OOSP3: variants seen among roughly 807,000 people sequenced by gnomAD.
The protein encoded by OOSP3 is oocyte-secreted protein 3.
chr11:59,886,935 C>T (rs751090426), intron 2 of OOSP3, among the ~76,000 whole-genome samples: 3 of 151,802 alleles, frequency 2.0e-5, no homozygotes, highest in African/African-American at 4.8e-5. Context: ...GGAGTATAGG[C>T]GTGTGCCACC....
intron 2 of OOSP3, among the ~76,000 whole-genome samples, chr11:59,885,210 G>A (rs1391604095): frequency 2.6e-5 from 4 of 152,114 alleles, no homozygotes; most frequent in African/African-American, 4.8e-5. Context: ...CTTTTCCTGG[G>A]ATAAATCCCA....
At chr11:59,894,038 G>A (rs2134532857) in intron 2 of OOSP3, 41 bp from the exon 3 acceptor site, 1 of 398,280 alleles carries the variant, frequency 2.5e-6, no homozygotes, top group Non-Finnish European at 4.4e-6. Context: ...AAACTCCTGT[G>A]TGACATGACA....
chr11:59,888,519 T>G (rs1189264395), intron 2 of OOSP3, among the ~76,000 whole-genome samples: 1 of 152,220 alleles, frequency 6.6e-6, no homozygotes, highest in Non-Finnish European at 1.5e-5. Context: ...GGATGTTGAA[T>G]TTTCTCAAAG....
chr11:59,879,526 C>A (rs1028078492), intron 1 of OOSP3, among the ~76,000 whole-genome samples: 1 of 150,512 alleles, frequency 6.6e-6, no homozygotes, highest in Non-Finnish European at 1.5e-5. Flanking sequence ...TTTTTTAAAC[C>A]ATGAAAATAC....
Position 59,895,285 on chromosome 11 carries a change from C to CT in OOSP3, c.351-201dup, listed in dbSNP as rs763923971. Among the ~76,000 whole-genome samples, 879 of 121,804 alleles carry CT rather than the reference C, an allele frequency of 7.2e-3. 10 individuals are homozygous for CT. Among genetic ancestry groups the CT allele is most frequent in the African/African-American group, 0.018 (590 of 33,170 alleles). The allele number at this position is 121,804 out of a possible 152,430, so 79.9% of individuals were successfully genotyped here. On this transcript the variant is annotated intron_variant, in intron 3 of 4. Transcript: ENST00000646438. Reference sequence around the variant, plus strand: ...TAGAATACATTTTCCTATGGTAGGACTTTTTTTTTTTTTTTTGGACTAACG... The same window carrying CT: ...TAGAATACATTTTCCTATGGTAGGACTTTTTTTTTTTTTTTTTGGACTAACG...
chr11:59,887,658 G>A (rs917372669), intron 2 of OOSP3, among the ~76,000 whole-genome samples: 4 of 152,086 alleles, frequency 2.6e-5, no homozygotes, highest in African/African-American at 9.7e-5. Flanking sequence ...TGGTTTATAT[G>A]TCTGTTTTTG....
At chr11:59,893,630 T>C (rs181279803) in intron 2 of OOSP3, among the ~76,000 whole-genome samples, 32 of 152,340 alleles carry the variant, frequency 2.1e-4, no homozygotes, top group African/African-American at 6.7e-4. Context: ...GTGGTGGGAT[T>C]AGAGGTGTGA....
chr11:59,888,101 T>C (rs1441931079), intron 2 of OOSP3, among the ~76,000 whole-genome samples: 1 of 152,170 alleles, frequency 6.6e-6, no homozygotes, highest in East Asian at 1.9e-4. Flanking sequence ...GGCTCTCTGC[T>C]TGTCTGTTGT....
At chr11:59,885,960 G>A (rs1474405548) in intron 2 of OOSP3, among the ~76,000 whole-genome samples, 1 of 151,998 alleles carries the variant, frequency 6.6e-6, no homozygotes, top group Non-Finnish European at 1.5e-5. Context: ...GTAAATGTGT[G>A]CCATGGTGGT....
chr11:59,880,791 C>A (rs1853191680), intron 2 of OOSP3, among the ~76,000 whole-genome samples: 1 of 152,150 alleles, frequency 6.6e-6, no homozygotes, highest in African/African-American at 2.4e-5. Context: ...ATAGATCATG[C>A]ATCTGTTCAA....
chr11:59,879,151 G>A (rs1394725099), intron 1 of OOSP3, among the ~76,000 whole-genome samples: 1 of 152,048 alleles, frequency 6.6e-6, no homozygotes, highest in Admixed American at 6.6e-5. Flanking sequence ...CACCCTACCT[G>A]TGGAAAAATA....
intron 2 of OOSP3, among the ~76,000 whole-genome samples, chr11:59,886,585 T>C (rs1400786399): frequency 6.6e-6 from 1 of 152,218 alleles, no homozygotes; most frequent in African/African-American, 2.4e-5. Flanking sequence ...CCACCAACAG[T>C]GTAAAAGAGT....
At chr11:59,890,424 C>G (rs80195622) in intron 2 of OOSP3, among the ~76,000 whole-genome samples, 2,673 of 152,212 alleles carry the variant, frequency 0.018, 93 homozygotes, top group African/African-American at 0.059. Flanking sequence ...ATGGTTTTTC[C>G]TTTCCATGTT....
rs192978350 is a variant in OOSP3 at position 59,885,143 on chromosome 11, C to T, written c.252+4704C>T. 2.2e-4 allele frequency among the ~76,000 whole-genome samples: 34 copies of T among 152,050 alleles called. 1 individual carries two copies. Among genetic ancestry groups the T allele is most frequent in the Non-Finnish European group, 4.3e-4 (29 of 67,982 alleles). On this transcript the variant is annotated intron_variant, in intron 2 of 4. Coordinates refer to ENST00000646438, the Ensembl canonical transcript of OOSP3. Reference sequence around the variant, plus strand: ...TTGAGATGATCATATGGGTTTTGCCCTTTCTTCTATTAATATGGTGTATTA... The same window carrying T: ...TTGAGATGATCATATGGGTTTTGCCTTTTCTTCTATTAATATGGTGTATTA...
chr11:59,891,533 G>A (rs12277676), intron 2 of OOSP3, among the ~76,000 whole-genome samples: 1 of 151,994 alleles, frequency 6.6e-6, no homozygotes, highest in Non-Finnish European at 1.5e-5. Flanking sequence ...GCTTCTGCAA[G>A]CCTGCTGCAG....
At chr11:59,891,910 G>A (rs1853315901) in intron 2 of OOSP3, among the ~76,000 whole-genome samples, 1 of 152,204 alleles carries the variant, frequency 6.6e-6, no homozygotes, top group Non-Finnish European at 1.5e-5. Context: ...TGGCCAGTGG[G>A]GAATCCAAGC....
intron 2 of OOSP3, among the ~76,000 whole-genome samples, chr11:59,886,064 G>T (rs567774140): frequency 6.6e-6 from 1 of 151,770 alleles, no homozygotes; most frequent in Non-Finnish European, 1.5e-5. Context: ...CCCCTGACAA[G>T]CCCCTATGTG....
intron 2 of OOSP3, among the ~76,000 whole-genome samples, chr11:59,891,345 G>C (rs781458503): frequency 1.3e-5 from 2 of 152,170 alleles, no homozygotes; most frequent in Non-Finnish European, 2.9e-5. Context: ...CATTTGGAGG[G>C]GAAGAGGCAT....
chr11:59,889,493 A>G (rs1333052531), intron 2 of OOSP3, among the ~76,000 whole-genome samples: 1 of 152,024 alleles, frequency 6.6e-6, no homozygotes, highest in Admixed American at 6.6e-5. Flanking sequence ...ATTTTGATAC[A>G]TTGTCTTCTT....
Sources: allele counts gnomAD v4.1 joint callset (sites outside exome capture counted in the v4.1 genomes callset), GRCh38; gene constraint gnomAD v4.1.1; transcripts MANE v1.5; gene names NCBI Gene and HGNC (gene_info 2026-07-23, HGNC 2026-07-21).